RUFY4: variants seen among roughly 807,000 people sequenced by gnomAD.
RUFY4 encodes the protein RUN and FYVE domain-containing protein 4.
Under a neutral mutation model 69.0 loss-of-function variants are expected in RUFY4, and 73 were observed. The ratio of observed to expected loss-of-function variants is 1.06; its 90% confidence interval spans 0.88 to 1.29. The LOEUF (loss-of-function observed/expected upper bound fraction) is 1.29, where lower values mean the gene tolerates loss of function less well. Ranked by LOEUF, RUFY4 falls within the 50% of genes most tolerant of loss-of-function variation. The probability of loss-of-function intolerance (pLI) is 0.00; values close to 1 mark genes in which losing one functional copy is unlikely to be tolerated. For missense variants in RUFY4, 770 were observed against 705.6 expected, an observed-to-expected ratio of 1.09 and a Z score of -1.03; for synonymous variants, 287 against 271.8, an observed-to-expected ratio of 1.06 and a Z score of -0.55.
intron 2 of RUFY4, among the ~76,000 whole-genome samples, chr2:218,046,532 T>C (rs1559421411): frequency 1.3e-5 from 2 of 152,244 alleles, no homozygotes; most frequent in Non-Finnish European, 2.9e-5. Flanking sequence ...GCAATCATTT[T>C]CTATGAATAT....
In RUFY4 at chr2:218,089,871, G is replaced by A. The variant is rs1244559177; in HGVS notation, c.1614-81G>A. The A allele has an allele frequency of 4.3e-6, 4 of 934,400 alleles. No homozygotes were observed. In the African/African-American group the frequency reaches 6.5e-5, roughly 15 times the overall value. The allele number at this position is 934,400 out of a possible 1,614,324, so 57.9% of individuals were successfully genotyped here. On this transcript the variant is annotated intron_variant, in intron 10 of 10. Transcript: ENST00000344321. Reference sequence around the variant, plus strand: ...TGTCTCAGGTGGACCTGAAGATGCTGGAACTCCATGACCTCAGCGCCCACT... The same window carrying A: ...TGTCTCAGGTGGACCTGAAGATGCTAGAACTCCATGACCTCAGCGCCCACT...
intron 6 of RUFY4, among the ~76,000 whole-genome samples, chr2:218,074,507 C>G (rs888797256): frequency 3.9e-5 from 6 of 152,050 alleles, no homozygotes; most frequent in African/African-American, 1.4e-4. Context: ...GCACTGGGTA[C>G]AGATACTATT....
At chr2:218,037,296 G>T (rs779675293) in intron 2 of RUFY4, among the ~76,000 whole-genome samples, 8 of 150,062 alleles carry the variant, frequency 5.3e-5, no homozygotes, top group Middle Eastern at 3.4e-3. Context: ...CTCCAGCCTG[G>T]GCAATAGTGC....
chr2:218,044,781 T>C (rs1344580044), intron 2 of RUFY4, among the ~76,000 whole-genome samples: 2 of 152,364 alleles, frequency 1.3e-5, no homozygotes, highest in Non-Finnish European at 2.9e-5. Context: ...TCATTCTTTT[T>C]TATGGCTGCA....
At chr2:218,090,033 A>G in exon 11 of RUFY4, 1 of 1,553,966 alleles carries the variant, frequency 6.4e-7, no homozygotes, top group Non-Finnish European at 8.7e-7. Context: ...GCGCCCAGGG[A>G]AGAGAAGCCC....
intron 8 of RUFY4, among the ~76,000 whole-genome samples, chr2:218,082,580 C>T (rs1219983145): frequency 6.6e-6 from 1 of 152,212 alleles, no homozygotes; most frequent in African/African-American, 2.4e-5. Flanking sequence ...AGGCCACACA[C>T]ACTGTGCAGT....
chr2:218,075,470 G>A, exon 7 of RUFY4: 1 of 1,604,420 alleles, frequency 6.2e-7, no homozygotes, highest in South Asian at 1.1e-5. Flanking sequence ...CAGAGGGTCA[G>A]AGAACAACAG....
At chr2:218,052,079 A>T (rs540423446) in intron 2 of RUFY4, among the ~76,000 whole-genome samples, 7 of 152,200 alleles carry the variant, frequency 4.6e-5, no homozygotes, top group Non-Finnish European at 1.0e-4. Flanking sequence ...ATCTCACTAC[A>T]TGTGACTTAC....
intron 8 of RUFY4, 74 bp downstream of exon 10, chr2:218,076,607 A>C: frequency 6.5e-7 from 1 of 1,528,110 alleles, no homozygotes; most frequent in Non-Finnish European, 8.8e-7. Context: ...CGGTCAAGCC[A>C]GTGAGGTCTT....
At chr2:218,089,344 C>T (rs1239527779) in exon 10 of RUFY4, 1 of 1,613,832 alleles carries the variant, frequency 6.2e-7, no homozygotes, top group East Asian at 2.2e-5. Flanking sequence ...GGCCGATTTT[C>T]TCGGCGGTAT....
In RUFY4 at chr2:218,059,297, A is replaced by G. The variant is rs978452272; in HGVS notation, c.-1071+616A>G. The G allele has an allele frequency of 2.6e-5, 4 of 155,576 alleles. No homozygotes were observed. In the Admixed American group the frequency reaches 2.6e-4, roughly 10 times the overall value. The allele number at this position is 155,576 out of a possible 1,614,324, so 9.6% of individuals were successfully genotyped here. On this transcript the variant is annotated intron_variant and NMD_transcript_variant, in intron 3 of 13. Transcript: ENST00000457754. ...TACATAAAATTTTACCATTTTAGAC[A>G]TTTAAGTGTACAGTTTAGTGGCATT...
chr2:218,056,631 T>C (rs141855929), intron 2 of RUFY4, among the ~76,000 whole-genome samples: 1 of 152,202 alleles, frequency 6.6e-6, no homozygotes, highest in Non-Finnish European at 1.5e-5. Context: ...ATTACAGTTA[T>C]CTTGTCACAT....
At chr2:218,068,247 A>T (rs1240206795), upstream of RUFY4, among the ~76,000 whole-genome samples, 3 of 146,956 alleles carry the variant, frequency 2.0e-5, no homozygotes, top group Middle Eastern at 3.6e-3. Context: ...AGGGGACTGG[A>T]GGGAGGCAGG....
intron 6 of RUFY4, among the ~76,000 whole-genome samples, chr2:218,074,112 A>G (rs1421570198): frequency 6.6e-6 from 1 of 152,058 alleles, no homozygotes; most frequent in East Asian, 1.9e-4. Context: ...AGGGAACTCT[A>G]GCACCCTCTG....
At chr2:218,090,594 T>C (rs1220050115), downstream of RUFY4, 1 of 154,484 alleles carries the variant, frequency 6.5e-6, no homozygotes, top group Non-Finnish European at 1.4e-5. Flanking sequence ...ATTTGATGAG[T>C]TTTGATTTTA....
chr2:218,075,555 G>C, exon 7 of RUFY4: 1 of 1,536,114 alleles, frequency 6.5e-7, no homozygotes, highest in Non-Finnish European at 8.7e-7. Flanking sequence ...AGGGGCTGTA[G>C]AGGGAGCAGT....
At chr2:218,066,328 C>T (rs530028780), upstream of RUFY4, among the ~76,000 whole-genome samples, 5 of 151,966 alleles carry the variant, frequency 3.3e-5, no homozygotes, top group South Asian at 4.2e-4. Flanking sequence ...GGATTACAGG[C>T]GCCTGCAACC....
chr2:218,072,592 C>T, intron 3 of RUFY4, 93 bp downstream of exon 5: 1 of 1,477,352 alleles, frequency 6.8e-7, no homozygotes, highest in Non-Finnish European at 9.0e-7. Context: ...ACCATAGACC[C>T]CTCACCTGCT....
At chr2:218,046,231 T>C (rs1029347226) in intron 2 of RUFY4, among the ~76,000 whole-genome samples, 8 of 152,056 alleles carry the variant, frequency 5.3e-5, no homozygotes, top group Non-Finnish European at 1.0e-4. Context: ...TAGCTATTTG[T>C]AAATATATAC....
Sources: gnomAD v4.1 joint callset for allele counts (sites outside exome capture counted in the v4.1 genomes callset) on GRCh38, gnomAD v4.1.1 for gene constraint, MANE v1.5 for transcripts, NCBI Gene and HGNC (gene_info 2026-07-23, HGNC 2026-07-21) for gene names.